ADAMTS17: variants seen among roughly 807,000 people sequenced by gnomAD.
The protein encoded by ADAMTS17 is A disintegrin and metalloproteinase with thrombospondin motifs 17.
ADAMTS17 carries 113 observed loss-of-function variants against 141.5 expected under a neutral mutation model. The ratio of observed to expected loss-of-function variants is 0.80; its 90% CI spans 0.69 to 0.93. The LOEUF (loss-of-function observed/expected upper bound fraction) is 0.93, where lower values mean the gene tolerates loss of function less well. ADAMTS17 is among the 40% of genes least tolerant of loss of function. The pLI, the probability that ADAMTS17 is intolerant of heterozygous loss-of-function variation, is 0.00. For synonymous variants in ADAMTS17, 768 were observed against 630.6 expected (o/e 1.22, Z -3.27); for missense variants, 1,659 against 1,517.9 (o/e 1.09, Z -1.54).
At chr15:100,172,313 T>A (rs1417794511) in intron 8 of ADAMTS17, among the ~76,000 whole-genome samples, 2 of 152,196 alleles carry the variant, frequency 1.3e-5, no homozygotes, top group Admixed American at 6.5e-5. Flanking sequence ...GTGATTCTCA[T>A]GTCTATTGTT....
At chr15:100,141,023 G>A (rs1048844096) in intron 10 of ADAMTS17, among the ~76,000 whole-genome samples, 3 of 152,142 alleles carry the variant, frequency 2.0e-5, no homozygotes, top group Non-Finnish European at 4.4e-5. Context: ...TCCCACTCCC[G>A]CCCCCGGCGG....
chr15:99,995,576 T>A (rs1392211995), intron 19 of ADAMTS17, among the ~76,000 whole-genome samples: 5 of 152,156 alleles, frequency 3.3e-5, no homozygotes, highest in African/African-American at 1.2e-4. Flanking sequence ...TCCTTCTGGA[T>A]ATTTGATCCT....
chr15:100,341,128 G>A lies in ADAMTS17; in HGVS notation c.361C>T (p.Pro121Ser), dbSNP rs750862662. The A allele has an allele frequency of 2.1e-6, 3 of 1,437,424 alleles. No individual in the cohort carries two copies. The highest frequency in any genetic ancestry group is 2.8e-5 in the South Asian group (2 of 71,700). 89.0% of individuals were successfully genotyped at this position (1,437,424 alleles called of 1,614,324 possible). The change falls in exon 2 of 22, where the codon CCC becomes TCC. Residue 121 changes from proline to serine, a missense_variant. By Grantham distance (74) the Pro-to-Ser change is moderately conservative (BLOSUM62 -1). Coordinates refer to ENST00000268070, the MANE Select transcript of ADAMTS17 (RefSeq NM_139057.4). Reference sequence around the variant, plus strand: ...CCCGAGTAGAAGCACAGCTCGGCGGGGCGGCCGCGGCGCCGGGCCGCGCCC... The same window carrying A: ...CCCGAGTAGAAGCACAGCTCGGCGGAGCGGCCGCGGCGCCGGGCCGCGCCC... ...EAGAARRRGR[P>S]AELCFYSGRV...
chr15:100,069,982 C>G (rs1303482086), intron 15 of ADAMTS17, among the ~76,000 whole-genome samples: 1 of 150,160 alleles, frequency 6.7e-6, no homozygotes, highest in Non-Finnish European at 1.5e-5. Context: ...CATCAGTGTG[C>G]TGTATTCAGG....
chr15:100,238,273 C>G (rs538579537), intron 7 of ADAMTS17, among the ~76,000 whole-genome samples: 1 of 152,180 alleles, frequency 6.6e-6, no homozygotes, highest in Non-Finnish European at 1.5e-5. Context: ...ACTTCCCACC[C>G]TTCTTATCTG....
rs2046362050 is a variant in ADAMTS17, at chr15:100,341,386, C to T, written c.103G>A (p.Val35Met). ...ACCCGCCACGGGAGCACCACCTCCACGTCGGCCGCCGCGTCGCCGACAGCT... is the reference window on the plus strand; with the variant it reads ...ACCCGCCACGGGAGCACCACCTCCATGTCGGCCGCCGCGTCGCCGACAGCT... The part of the protein sequence containing the change: ...GTAVGDAAAD[V>M]EVVLPWRVRP... The change falls in exon 2 of 22, where the codon GTG becomes ATG. Residue 35 changes from valine (V) to methionine (M), a missense_variant. Physicochemically the swap from Val to Met is conservative, Grantham distance 21. Coordinates refer to ENST00000268070, the MANE Select transcript of ADAMTS17 (RefSeq NM_139057.4). The T allele has an allele frequency of 1.4e-5, 14 of 1,016,846 alleles. No individual in the cohort carries two copies. The highest frequency in any genetic ancestry group is 4.9e-4 in the Middle Eastern group (1 of 2,056). 63.0% of individuals were successfully genotyped at this position (1,016,846 alleles called of 1,614,324 possible). A position where few individuals can be genotyped will look rare whatever the true frequency, so the allele number is the denominator to read the frequency against.
chr15:100,155,600 C>G (rs2039397244), intron 8 of ADAMTS17, among the ~76,000 whole-genome samples: 1 of 152,224 alleles, frequency 6.6e-6, no homozygotes. Flanking sequence ...TGATAATTAA[C>G]TGTGACATGA....
intron 18 of ADAMTS17, among the ~76,000 whole-genome samples, chr15:100,012,313 A>T (rs928236225): frequency 2.6e-5 from 4 of 152,266 alleles, no homozygotes; most frequent in Middle Eastern, 3.4e-3. Context: ...ATACATCGTG[A>T]AGATTTTCTC....
chr15:100,232,461 C>G (rs1388104381), intron 7 of ADAMTS17, among the ~76,000 whole-genome samples: 2 of 152,250 alleles, frequency 1.3e-5, no homozygotes, highest in Non-Finnish European at 2.9e-5. Flanking sequence ...TGTTCCCAGA[C>G]TCACATCAAG....
At chr15:100,038,006 A>T (rs1052685202) in intron 18 of ADAMTS17, among the ~76,000 whole-genome samples, 2 of 152,006 alleles carry the variant, frequency 1.3e-5, no homozygotes, top group Non-Finnish European at 2.9e-5. Context: ...GAACTCCTGG[A>T]CTCAAGCAAT....
chr15:100,161,700 G>A (rs972349594), intron 8 of ADAMTS17, among the ~76,000 whole-genome samples: 2 of 152,210 alleles, frequency 1.3e-5, no homozygotes, highest in Non-Finnish European at 2.9e-5. Flanking sequence ...CCAAGGACCA[G>A]ATTGTGCCCC....
At chr15:100,045,243 A>G (rs929624727) in intron 18 of ADAMTS17, among the ~76,000 whole-genome samples, 1 of 152,238 alleles carries the variant, frequency 6.6e-6, no homozygotes, top group Admixed American at 6.5e-5. Flanking sequence ...GTTAAAAATT[A>G]AGATATTTTA....
intron 20 of ADAMTS17, among the ~76,000 whole-genome samples, chr15:99,987,945 C>T (rs1477293860): frequency 2.6e-5 from 4 of 151,970 alleles, no homozygotes; most frequent in Admixed American, 6.6e-5. Flanking sequence ...CACTGGCATG[C>T]TCCTGGTACA....
intron 7 of ADAMTS17, among the ~76,000 whole-genome samples, chr15:100,210,675 A>G (rs2141713498): frequency 6.6e-6 from 1 of 152,370 alleles, no homozygotes; most frequent in South Asian, 2.1e-4. Flanking sequence ...ATTGAAAATT[A>G]GAAGAGCTAG....
intron 18 of ADAMTS17, among the ~76,000 whole-genome samples, chr15:100,028,871 C>T (rs1481903592): frequency 6.6e-6 from 1 of 152,270 alleles, no homozygotes; most frequent in Admixed American, 6.5e-5. Context: ...TGAACCTGCA[C>T]TTTGCCTTTT....
At chr15:100,228,526 G>C (rs2042378459) in intron 7 of ADAMTS17, among the ~76,000 whole-genome samples, 1 of 152,178 alleles carries the variant, frequency 6.6e-6, no homozygotes, top group African/African-American at 2.4e-5. Flanking sequence ...ACTGGACCGA[G>C]GAGAAAAGGA....
chr15:100,034,963 G>A (rs1438760453), intron 18 of ADAMTS17, among the ~76,000 whole-genome samples: 1 of 152,122 alleles, frequency 6.6e-6, no homozygotes, highest in Non-Finnish European at 1.5e-5. Context: ...CAGGCACACA[G>A]AGCTGGAAGG....
intron 20 of ADAMTS17, among the ~76,000 whole-genome samples, chr15:99,977,563 G>A (rs2060390301): frequency 6.7e-6 from 1 of 150,322 alleles, no homozygotes; most frequent in Non-Finnish European, 1.5e-5. Context: ...ATAGGCACCT[G>A]CCACCACATC....
In ADAMTS17 at chr15:99,971,661, A is replaced by G. The variant is rs1597461488; in HGVS notation, c.*2741T>C. On this transcript the variant is annotated 3_prime_UTR_variant, in exon 22 of 22. Transcript: ENST00000268070. ...TTTGACTCTGAAACGAAAAAAGGAC[A>G]ATCGTATTGCCATAGAGGCTCTTTT... 6.6e-6 allele frequency: 1 copy of G among 152,240 alleles called. No individual in the cohort carries two copies. The highest frequency in any genetic ancestry group is 1.5e-5 in the Non-Finnish European group (1 of 68,046). 9.4% of individuals were successfully genotyped at this position (152,240 alleles called of 1,614,324 possible).
Sources: gnomAD v4.1 joint callset for allele counts (sites outside exome capture counted in the v4.1 genomes callset) on GRCh38, gnomAD v4.1.1 for gene constraint, MANE v1.5 for transcripts, NCBI Gene and HGNC (gene_info 2026-07-23, HGNC 2026-07-21) for gene names.